Variants in STX8 observed in about 807,000 individuals in gnomAD.
STX8 encodes the protein syntaxin-8.
Under a neutral mutation model 37.5 loss-of-function variants are expected in STX8, and 23 were observed. The observed-to-expected ratio is 0.61, with a 90% confidence interval of 0.44 to 0.87. The LOEUF is 0.87. Ranked by LOEUF, STX8 falls within the 40% of genes least tolerant of loss-of-function variation. The probability of loss-of-function intolerance (pLI) is 0.00; values close to 1 mark genes in which losing one functional copy is unlikely to be tolerated. For synonymous variants in STX8, 115 were observed against 99.1 expected (o/e 1.16, Z -0.95); for missense variants, 313 against 284.7 (o/e 1.10, Z -0.71).
intron 7 of STX8, among the ~76,000 whole-genome samples, chr17:9,278,310 C>T (rs908654084): frequency 2.0e-5 from 3 of 152,128 alleles, no homozygotes; most frequent in African/African-American, 4.8e-5. Context: ...TAGCCGGGCA[C>T]GGCAGCACAT....
chr17:9,416,766 C>G (rs992824631), intron 6 of STX8, among the ~76,000 whole-genome samples: 1 of 152,178 alleles, frequency 6.6e-6, no homozygotes, highest in Non-Finnish European at 1.5e-5. Flanking sequence ...CTAATGAAAT[C>G]CCATGAGATT....
intron 6 of STX8, among the ~76,000 whole-genome samples, chr17:9,460,184 T>C (rs1379918995): frequency 6.6e-6 from 1 of 152,174 alleles, no homozygotes; most frequent in African/African-American, 2.4e-5. Context: ...TCAGAGTGTA[T>C]GAAAGGGTTA....
At chr17:9,316,328 C>T (rs1324883887) in intron 7 of STX8, among the ~76,000 whole-genome samples, 1 of 151,942 alleles carries the variant, frequency 6.6e-6, no homozygotes, top group East Asian at 1.9e-4. Context: ...TGACTGGGGG[C>T]TCCTAGATAG....
At chr17:9,570,124 T>A (rs1907625185) in intron 1 of STX8, among the ~76,000 whole-genome samples, 1 of 152,134 alleles carries the variant, frequency 6.6e-6, no homozygotes, top group African/African-American at 2.4e-5. Flanking sequence ...AATGTCCTAA[T>A]TTTTGCTTGA....
chr17:9,487,002 C>A (rs1290153578), intron 6 of STX8, among the ~76,000 whole-genome samples: 1 of 152,156 alleles, frequency 6.6e-6, no homozygotes, highest in Non-Finnish European at 1.5e-5. Flanking sequence ...CACTTGCCAA[C>A]GCCCCTAGTC....
At chr17:9,280,571 T>C (rs117655222) in intron 7 of STX8, among the ~76,000 whole-genome samples, 157 of 151,960 alleles carry the variant, frequency 1.0e-3, no homozygotes, top group Non-Finnish European at 2.0e-3. Flanking sequence ...AAACAAAATT[T>C]TAAAAACTAA....
intron 7 of STX8, among the ~76,000 whole-genome samples, chr17:9,341,795 G>A (rs73270031): frequency 0.032 from 4,807 of 152,308 alleles, 234 homozygotes; most frequent in African/African-American, 0.11. Flanking sequence ...ACTGAGGGGA[G>A]CCCACTGTGT....
chr17:9,345,598 T>C (rs1910505102), intron 7 of STX8, among the ~76,000 whole-genome samples: 1 of 152,026 alleles, frequency 6.6e-6, no homozygotes, highest in African/African-American at 2.4e-5. Context: ...TGACAAAGAA[T>C]ATATATTTAT....
intron 6 of STX8, among the ~76,000 whole-genome samples, chr17:9,488,522 T>C (rs1251913843): frequency 6.6e-6 from 1 of 152,116 alleles, no homozygotes; most frequent in Non-Finnish European, 1.5e-5. Context: ...CCCAATGTCA[T>C]GACAAGGGTC....
chr17:9,419,666 T>C (rs917497518), intron 6 of STX8, among the ~76,000 whole-genome samples: 6 of 152,184 alleles, frequency 3.9e-5, no homozygotes, highest in Non-Finnish European at 7.3e-5. Flanking sequence ...ACTGGGTCCA[T>C]GAACGGTCAC....
At chr17:9,536,708 T>C (rs1567601595) in intron 4 of STX8, among the ~76,000 whole-genome samples, 2 of 152,042 alleles carry the variant, frequency 1.3e-5, no homozygotes, top group Non-Finnish European at 2.9e-5. Flanking sequence ...TTCCCCTTCC[T>C]GAGTAAACTC....
intron 7 of STX8, among the ~76,000 whole-genome samples, chr17:9,314,667 C>T (rs1253514881): frequency 6.7e-6 from 1 of 150,370 alleles, no homozygotes; most frequent in Non-Finnish European, 1.5e-5. Flanking sequence ...CTTGGCCTCC[C>T]AAAGTGCTGG....
At chr17:9,364,226 G>A (rs1191804351) in intron 7 of STX8, among the ~76,000 whole-genome samples, 1 of 152,132 alleles carries the variant, frequency 6.6e-6, no homozygotes, top group Non-Finnish European at 1.5e-5. Flanking sequence ...TTTAGCTCCT[G>A]AAATGAATAT....
intron 4 of STX8, among the ~76,000 whole-genome samples, chr17:9,542,549 C>A (rs1230790374): frequency 1.4e-5 from 2 of 139,600 alleles, no homozygotes; most frequent in Admixed American, 1.4e-4. Flanking sequence ...TGGTGGCGGG[C>A]GCCTGTAGTC....
At chr17:9,295,338 G>A (rs1397748853) in intron 7 of STX8, among the ~76,000 whole-genome samples, 1 of 152,216 alleles carries the variant, frequency 6.6e-6, no homozygotes, top group Non-Finnish European at 1.5e-5. Flanking sequence ...CCCCTTGAAA[G>A]AAGAGACCAC....
At chr17:9,368,798 C>A (rs1308187103) in intron 7 of STX8, among the ~76,000 whole-genome samples, 1 of 152,218 alleles carries the variant, frequency 6.6e-6, no homozygotes, top group Non-Finnish European at 1.5e-5. Flanking sequence ...TCCTGTGTTG[C>A]AGCCTCTTGG....
chr17:9,559,760 A>ATATATTTT, intron 2 of STX8, among the ~76,000 whole-genome samples: 20 of 24,482 alleles, frequency 8.2e-4, no homozygotes, highest in East Asian at 5.4e-3. Context: ...ATATATATAT[A>ATATATTTT]TTTTTTTTTT....
At chr17:9,547,806 T>C (rs1906608345) in intron 3 of STX8, among the ~76,000 whole-genome samples, 2 of 148,618 alleles carry the variant, frequency 1.3e-5, no homozygotes, top group Middle Eastern at 3.4e-3. Context: ...TGTTTTGTTT[T>C]GTTAAGATGG....
chr17:9,356,974 T>G (rs1311661449), intron 7 of STX8, among the ~76,000 whole-genome samples: 1 of 146,710 alleles, frequency 6.8e-6, no homozygotes, highest in Admixed American at 6.9e-5. Context: ...TTTTTTTTTT[T>G]TTTTTTTTTT....
Sources: gnomAD v4.1 joint callset for allele counts (sites outside exome capture counted in the v4.1 genomes callset) on GRCh38, gnomAD v4.1.1 for gene constraint, MANE v1.5 for transcripts, NCBI Gene and HGNC (gene_info 2026-07-23, HGNC 2026-07-21) for gene names.